SINHCAF: variants seen among roughly 807,000 people sequenced by gnomAD.
SINHCAF encodes the protein SIN3-HDAC complex associated factor.
SINHCAF carries 3 observed loss-of-function variants against 25.8 expected under a neutral mutation model. The observed-to-expected ratio is 0.12, with a 90% CI of 0.05 to 0.30. The LOEUF (loss-of-function observed/expected upper bound fraction) is 0.30, where lower values mean the gene tolerates loss of function less well. Ranked by LOEUF, SINHCAF falls within the 10% of genes least tolerant of loss-of-function variation. SINHCAF has a pLI of 1.00. For synonymous variants in SINHCAF, 70 were observed against 85.5 expected (o/e 0.82, Z 1.00); for missense variants, 121 against 262.3 (o/e 0.46, Z 3.72).
intron 5 of SINHCAF, among the ~76,000 whole-genome samples, chr12:31,283,809 T>C (rs980257162): frequency 6.6e-6 from 1 of 151,406 alleles, no homozygotes; most frequent in Non-Finnish European, 1.5e-5. Flanking sequence ...TACTTCATGG[T>C]TTCACCGTAT....
At chr12:31,296,868 A>C (rs575383704) in intron 2 of SINHCAF, 36 of 298,036 alleles carry the variant, frequency 1.2e-4, no homozygotes, top group South Asian at 1.7e-4. Flanking sequence ...ACAAACCAAC[A>C]AACAAACAAA....
Position 31,324,606 on chromosome 12 carries a change from A to G in SINHCAF, c.-21+1418T>C, listed in dbSNP as rs1431994238. 7.7e-6 allele frequency: 2 copies of G among 261,112 alleles called. No homozygotes were observed. The highest frequency in any genetic ancestry group is 1.5e-5 in the Non-Finnish European group (2 of 129,852). 16.2% of individuals were successfully genotyped at this position (261,112 alleles called of 1,614,324 possible). A position where few individuals can be genotyped will look rare whatever the true frequency, so the allele number is the denominator to read the frequency against. On this transcript the variant is annotated intron_variant, in intron 1 of 5. Transcript: ENST00000337682. The surrounding 1 kb of genome is among the most constrained non-coding windows in gnomAD (Gnocchi z 5.5). ...CTCCGACCTGCACGGCCCTACGCCC[A>G]GGCGGCGGCCCCGAGCGCCGGGGGC... is the stretch of plus-strand genomic sequence containing the variant.
intron 1 of SINHCAF, among the ~76,000 whole-genome samples, chr12:31,313,217 C>T (rs1193716416): frequency 6.6e-6 from 1 of 151,848 alleles, no homozygotes; most frequent in Non-Finnish European, 1.5e-5. Flanking sequence ...TTAGTAGAGA[C>T]GGTTTCACCA....
At chr12:31,287,878 T>TA (rs869192466) in intron 4 of SINHCAF, 94 bp from the exon 5 acceptor site, 34 of 830,012 alleles carry the variant, frequency 4.1e-5, no homozygotes, top group Non-Finnish European at 5.3e-5. Context: ...AAAGAGTTGG[T>TA]AAAAAAGAAA....
rs1307405653 is a variant in SINHCAF, at chr12:31,325,086, T to C, written c.-21+938A>G. 2 of 456,770 alleles carry C rather than the reference T, an allele frequency of 4.4e-6. No individual in the cohort carries two copies. The highest frequency in any genetic ancestry group is 7.0e-5 in the East Asian group (1 of 14,376). The allele number at this position is 456,770 out of a possible 1,614,324, so 28.3% of individuals were successfully genotyped here. A position where few individuals can be genotyped will look rare whatever the true frequency, so the allele number is the denominator to read the frequency against. On this transcript the variant is annotated intron_variant, in intron 1 of 5. Transcript: ENST00000337682. The surrounding 1 kb of genome is among the most constrained non-coding windows in gnomAD (Gnocchi z 5.9). ...AAAAGCAGTGCCCTGCGGAGTTCAC[T>C]GACTCCCGCGGCGTACACAACGCCG...
chr12:31,309,663 G>GTTTTTTT (rs1939183135), intron 1 of SINHCAF, among the ~76,000 whole-genome samples: 1 of 138,732 alleles, frequency 7.2e-6, no homozygotes, highest in African/African-American at 2.7e-5. Flanking sequence ...ATCAACTTGT[G>GTTTTTTT]ATTTTTTTTT....
intron 1 of SINHCAF, among the ~76,000 whole-genome samples, chr12:31,315,410 G>A (rs1344681986): frequency 6.6e-6 from 1 of 152,240 alleles, no homozygotes; most frequent in Non-Finnish European, 1.5e-5. Context: ...CAAGGGGTCA[G>A]CTTTAGTTTG....
intron 1 of SINHCAF, among the ~76,000 whole-genome samples, chr12:31,300,238 T>A (rs1006733029): frequency 1.3e-5 from 2 of 152,166 alleles, no homozygotes; most frequent in Non-Finnish European, 2.9e-5. Flanking sequence ...TAAAAGAAAA[T>A]TTTTTTAAAA....
At chr12:31,297,713 C>T (rs910879749) in intron 2 of SINHCAF, among the ~76,000 whole-genome samples, 18 of 151,730 alleles carry the variant, frequency 1.2e-4, no homozygotes, top group Non-Finnish European at 2.4e-4. Flanking sequence ...CCTCGTGATC[C>T]GCCCGCCTCG....
chr12:31,282,805 G>C lies in SINHCAF; in HGVS notation c.573C>G (p.Leu191=), dbSNP rs1310682506. The C allele has an allele frequency of 1.9e-6, 3 of 1,613,666 alleles. No homozygotes were observed. The highest frequency in any genetic ancestry group is 1.7e-5 in the Admixed American group (1 of 59,962). ...TCTTATTGCTGCAGCAAGGCTTGAA[G>C]AGATGTGTGTCAATGAGGACTTCCC... The part of the protein sequence containing the change: ...RFGEVLIDTH[L]FKPCCSNKKA... Residue 191 remains leucine, a synonymous_variant, in exon 6 of 6, where the codon CTC becomes CTG. Coordinates refer to ENST00000337682, the MANE Select transcript of SINHCAF (RefSeq NM_001135812.2).
At chr12:31,322,725 G>A (rs1163176273) in intron 1 of SINHCAF, among the ~76,000 whole-genome samples, 1 of 152,144 alleles carries the variant, frequency 6.6e-6, no homozygotes, top group African/African-American at 2.4e-5. Flanking sequence ...TAGGTGTGTG[G>A]GGGCAGGGGC....
chr12:31,306,527 T>C (rs967898848), intron 1 of SINHCAF, among the ~76,000 whole-genome samples: 1 of 152,176 alleles, frequency 6.6e-6, no homozygotes, highest in Non-Finnish European at 1.5e-5. Context: ...TCCAGGTAGA[T>C]CTTTCTTCGA....
At chr12:31,295,179 A>T (rs763799089) in intron 3 of SINHCAF, 55 bp downstream of exon 3, 2 of 1,062,272 alleles carry the variant, frequency 1.9e-6, no homozygotes, top group Non-Finnish European at 2.8e-6. Flanking sequence ...GGGGAAATTA[A>T]TGTTACTTTA....
At chr12:31,313,080 A>G (rs1375805093) in intron 1 of SINHCAF, among the ~76,000 whole-genome samples, 1 of 152,140 alleles carries the variant, frequency 6.6e-6, no homozygotes, top group Admixed American at 6.5e-5. Flanking sequence ...GCTGGAGTGC[A>G]ATGGCACGAT....
intron 1 of SINHCAF, 132 bp from the exon 2 acceptor site, chr12:31,298,356 G>A (rs1703756681): frequency 7.3e-6 from 7 of 959,072 alleles, no homozygotes; most frequent in African/African-American, 1.6e-5. Context: ...CAGCTCAAGG[G>A]AAGACCTCCT....
At chr12:31,302,331 T>C (rs1938831748) in intron 1 of SINHCAF, among the ~76,000 whole-genome samples, 1 of 152,018 alleles carries the variant, frequency 6.6e-6, no homozygotes, top group African/African-American at 2.4e-5. Context: ...GAGTGAATCT[T>C]ATGGTATATA....
intron 1 of SINHCAF, among the ~76,000 whole-genome samples, chr12:31,298,913 G>A (rs188804017): frequency 2.6e-5 from 4 of 152,190 alleles, no homozygotes; most frequent in East Asian, 3.9e-4. Flanking sequence ...TTGTCTGACC[G>A]CTGATCTGCC....
Position 31,293,842 on chromosome 12 carries a change from G to A in SINHCAF, c.318C>T (p.Asn106=). Residue 106 remains asparagine (N), a synonymous_variant, in exon 4 of 6, where the codon AAC becomes AAT. Transcript: ENST00000337682. ...KTLSGNRIKS[N]QISKLQKEFK... is the part of the protein sequence containing the mutation. ...ATTCCTTCTGCAGTTTACTGATCTG[G>A]TTGCTTTTTATCCTGTTCCCAGATA... is the stretch of plus-strand genomic sequence containing the variant. 6.2e-7 allele frequency: 1 copy of A among 1,611,812 alleles called. No individual in the cohort carries two copies. Among genetic ancestry groups the A allele is most frequent in the Non-Finnish European group, 8.5e-7 (1 of 1,179,270 alleles).
intron 1 of SINHCAF, among the ~76,000 whole-genome samples, chr12:31,300,437 A>T (rs974614720): frequency 3.3e-5 from 5 of 151,920 alleles, no homozygotes; most frequent in Admixed American, 2.0e-4. Flanking sequence ...GAACTGTTTT[A>T]AAAAAAACAT....
Sources: allele counts gnomAD v4.1 joint callset (sites outside exome capture counted in the v4.1 genomes callset), GRCh38; gene constraint gnomAD v4.1.1; non-coding constraint Gnocchi (gnomAD v3.1); transcripts MANE v1.5; gene names NCBI Gene and HGNC (gene_info 2026-07-23, HGNC 2026-07-21).